Variants in ANK2 observed in about 807,000 individuals in gnomAD.
ANK2 encodes the protein ankyrin-2.
A neutral mutation model predicts 360.5 loss-of-function variants in ANK2; 83 were observed. The ratio of observed to expected loss-of-function variants is 0.23; its 90% CI spans 0.19 to 0.28. ANK2 has a LOEUF of 0.28. Ranked by LOEUF, ANK2 falls within the 10% of genes least tolerant of loss-of-function variation. ANK2 has a pLI of 1.00. For missense variants in ANK2, 4,201 were observed against 4,795.7 expected, an observed-to-expected ratio of 0.88 and a Z score of 3.66; for synonymous variants, 1,740 against 1,759.5, an observed-to-expected ratio of 0.99 and a Z score of 0.28.
chr4:113,082,218 A>G (rs898908876), intron 1 of ANK2, among the ~76,000 whole-genome samples: 9 of 152,212 alleles, frequency 5.9e-5, no homozygotes, highest in African/African-American at 1.9e-4. Flanking sequence ...TGCATGGTCT[A>G]TATTTTGCAT....
chr4:112,725,781 A>G, the ANK2 span, among the ~76,000 whole-genome samples: 1 of 152,122 alleles, frequency 6.6e-6, no homozygotes, highest in African/African-American at 2.4e-5. Context: ...AGGCTGGGGG[A>G]ATGGGAAGTT....
the ANK2 span, among the ~76,000 whole-genome samples, chr4:112,737,703 G>T: frequency 6.6e-6 from 1 of 152,156 alleles, no homozygotes; most frequent in Admixed American, 6.6e-5. Context: ...CTGCCAGCTG[G>T]GTTCTTAGTT....
chr4:112,832,635 A>G (rs1280931317), intron 1 of ANK2, among the ~76,000 whole-genome samples: 2 of 152,330 alleles, frequency 1.3e-5, no homozygotes, highest in African/African-American at 2.4e-5. Flanking sequence ...CAATTTCAGA[A>G]TAAACTAAGT....
At chr4:113,276,093 C>T (rs192796342) in intron 15 of ANK2, among the ~76,000 whole-genome samples, 2 of 152,120 alleles carry the variant, frequency 1.3e-5, no homozygotes, top group Non-Finnish European at 2.9e-5. Flanking sequence ...AGGTGCCCTC[C>T]ACCACACCCA....
chr4:113,150,492 A>C (rs2097024076), intron 1 of ANK2, among the ~76,000 whole-genome samples: 1 of 152,184 alleles, frequency 6.6e-6, no homozygotes, highest in Admixed American at 6.5e-5. Flanking sequence ...TTGGGAAGAA[A>C]GTACACTTGT....
chr4:113,082,776 A>C (rs1016904617), intron 1 of ANK2, among the ~76,000 whole-genome samples: 1 of 152,254 alleles, frequency 6.6e-6, no homozygotes, highest in African/African-American at 2.4e-5. Flanking sequence ...AATATTACAA[A>C]GAAAAATGCC....
rs2059673132 is a variant in ANK2, at chr4:112,831,306, G to A, written c.-40+13042G>A. On this transcript the variant is annotated intron_variant, in intron 1 of 30. Transcript: ENST00000503271. The stretch of plus-strand genomic sequence containing the variant: ...GGGACATGGAGAACTTTTATGCCTA[G>A]CTAAAGGATTGTAAATGCACCAATC... Among the ~76,000 whole-genome samples, 5 of 152,330 alleles carry A rather than the reference G, an allele frequency of 3.3e-5. No homozygotes were observed. The South Asian group carries it at 1.0e-3, about 32-fold the overall frequency.
the ANK2 span, among the ~76,000 whole-genome samples, chr4:112,800,125 C>T: frequency 2.0e-5 from 3 of 152,118 alleles, no homozygotes; most frequent in South Asian, 2.1e-4. Flanking sequence ...GTTCAAATTT[C>T]GGCAAAATGT....
the ANK2 span, among the ~76,000 whole-genome samples, chr4:112,800,907 G>A: frequency 2.2e-4 from 34 of 152,070 alleles, no homozygotes; most frequent in African/African-American, 7.5e-4. Context: ...CACCCACCCC[G>A]ACCTCCCAAA....
At chr4:113,352,097 C>T (rs539606607) in intron 37 of ANK2, among the ~76,000 whole-genome samples, 4 of 152,276 alleles carry the variant, frequency 2.6e-5, no homozygotes, top group Non-Finnish European at 4.4e-5. Flanking sequence ...TCTAAATTCC[C>T]GCCATCCTCC....
rs2097182236 is a variant in ANK2 at position 113,382,095 on chromosome 4, C to T, written c.*624C>T. 1 of 174,160 alleles carries T rather than the reference C, an allele frequency of 5.7e-6. No homozygotes were observed. The highest frequency in any genetic ancestry group is 1.3e-5 in the Non-Finnish European group (1 of 78,866). The allele number at this position is 174,160 out of a possible 1,614,324, so 10.8% of individuals were successfully genotyped here. On this transcript the variant is annotated 3_prime_UTR_variant, in exon 46 of 46. Transcript: ENST00000357077. ...TGCCTATTGTAACTACACTGGGCAT[C>T]AGAATAAAAGGCCTCTAGAAATTGC...
At chr4:112,861,868 A>AGAGAGAGAGAGAGAGAGAGAGAG (rs201880535) in intron 1 of ANK2, among the ~76,000 whole-genome samples, 6 of 151,556 alleles carry the variant, frequency 4.0e-5, no homozygotes, top group East Asian at 1.9e-4. Context: ...AGAGAGAGAG[A>AGAGAGAGAGAGAGAGAGAGAGAG]AACTCTCACA....
intron 3 of ANK2, among the ~76,000 whole-genome samples, chr4:113,196,900 A>G (rs917486976): frequency 6.6e-6 from 1 of 151,824 alleles, no homozygotes; most frequent in South Asian, 2.1e-4. Context: ...TAAAATTAAA[A>G]CCCCCTCCAT....
rs1309480812 is a variant in ANK2, at chr4:113,132,657, A to T, written c.85-41759A>T. ...TAGATCTGTGGGTGGGGTGAAGAGAACTGATCTAGAGTAGATCATACTGGG... is the reference window on the plus strand; with the variant it reads ...TAGATCTGTGGGTGGGGTGAAGAGATCTGATCTAGAGTAGATCATACTGGG... On this transcript the variant is annotated intron_variant, in intron 1 of 45. Coordinates refer to ENST00000357077, the MANE Select transcript of ANK2 (RefSeq NM_001148.6). Among the ~76,000 whole-genome samples, 3 of 152,248 alleles carry T rather than the reference A, an allele frequency of 2.0e-5. No homozygotes were observed. The East Asian group carries it at 5.8e-4, about 29-fold the overall frequency.
At chr4:113,023,023 G>A (rs2058502372) in intron 2 of ANK2, among the ~76,000 whole-genome samples, 1 of 152,040 alleles carries the variant, frequency 6.6e-6, no homozygotes, top group Non-Finnish European at 1.5e-5. Flanking sequence ...ATGCATGTGG[G>A]ACCTAATACC....
At chr4:113,316,164 C>G (rs1430321326) in intron 24 of ANK2, among the ~76,000 whole-genome samples, 1 of 152,164 alleles carries the variant, frequency 6.6e-6, no homozygotes. Context: ...AAGGCTCTGT[C>G]AAGAGCCTCA....
upstream of ANK2, among the ~76,000 whole-genome samples, chr4:112,816,957 G>A (rs916831555): frequency 6.6e-6 from 1 of 152,198 alleles, no homozygotes; most frequent in Non-Finnish European, 1.5e-5. Context: ...GTTGCAGTGA[G>A]CCAAGATTGT....
chr4:113,196,092 T>C (rs1487613521), intron 2 of ANK2, among the ~76,000 whole-genome samples: 1 of 152,214 alleles, frequency 6.6e-6, no homozygotes, highest in African/African-American at 2.4e-5. Flanking sequence ...CTTTAAGTCA[T>C]TTAAAAAATT....
chr4:112,811,330 C>A, the ANK2 span, among the ~76,000 whole-genome samples: 1 of 152,154 alleles, frequency 6.6e-6, no homozygotes, highest in South Asian at 2.1e-4. Context: ...TAACTCTCTG[C>A]TGTATTTCCT....
Sources: allele counts gnomAD v4.1 joint callset (sites outside exome capture counted in the v4.1 genomes callset), GRCh38; gene constraint gnomAD v4.1.1; transcripts MANE v1.5; gene names NCBI Gene and HGNC (gene_info 2026-07-23, HGNC 2026-07-21).